Variants in TOM1L1 observed in about 807,000 individuals in gnomAD.
TOM1L1 encodes the protein target of myb1 like 1 membrane trafficking protein, also known as TOM1-like protein 1.
TOM1L1 carries 64 observed loss-of-function variants against 63.4 expected under a neutral mutation model. The observed-to-expected ratio is 1.01, with a 90% CI of 0.83 to 1.24. The LOEUF (loss-of-function observed/expected upper bound fraction) is 1.24. TOM1L1 is among the 50% of genes most tolerant of loss of function. The pLI is 0.00. For missense variants in TOM1L1, 536 were observed against 567.0 expected (o/e 0.95, Z 0.55); for synonymous variants, 166 against 194.4 (o/e 0.85, Z 1.22).
chr17:54,927,830 C>T (rs147023611), intron 7 of TOM1L1, among the ~76,000 whole-genome samples: 116 of 152,268 alleles, frequency 7.6e-4, no homozygotes, highest in African/African-American at 2.6e-3. Flanking sequence ...CTTTTGAAGA[C>T]GTTTTTCACA....
intron 3 of TOM1L1, among the ~76,000 whole-genome samples, chr17:54,908,170 G>C (rs569907672): frequency 5.9e-5 from 9 of 152,332 alleles, no homozygotes; most frequent in African/African-American, 2.2e-4. Context: ...AAACAGGCAA[G>C]AGTCACAAGT....
At chr17:54,949,757 T>C in intron 13 of TOM1L1, 134 bp downstream of exon 13, 2 of 775,666 alleles carry the variant, frequency 2.6e-6, no homozygotes, top group Admixed American at 4.8e-5. Context: ...ATGAAACAAA[T>C]TCAGGGCAGA....
At chr17:54,914,834 G>T in intron 6 of TOM1L1, 91 bp downstream of exon 6, 1 of 990,054 alleles carries the variant, frequency 1.0e-6, no homozygotes, top group Non-Finnish European at 1.6e-6. Flanking sequence ...TAACAACATT[G>T]AGATGTAGGT....
At chr17:54,925,443 G>A (rs2048752105) in intron 7 of TOM1L1, among the ~76,000 whole-genome samples, 1 of 152,202 alleles carries the variant, frequency 6.6e-6, no homozygotes, top group Non-Finnish European at 1.5e-5. Context: ...ATCCCTACAA[G>A]CCAGGCCCCA....
rs1598098871 is a variant in TOM1L1 at position 54,960,629 on chromosome 17, TAA to T, written c.*1+4_*1+5del. ...GAGCTCAAAATGATGGTGACTGAGG[TAA>T]AGACTTCAACTTATACAACTTAATT... On this transcript the variant is annotated splice_donor_region_variant and intron_variant, in intron 15 of 15. Coordinates refer to ENST00000575882, the MANE Select transcript of TOM1L1 (RefSeq NM_005486.3). 1 of 1,602,958 alleles carries T rather than the reference TAA, an allele frequency of 6.2e-7. No individual in the cohort carries two copies. Among genetic ancestry groups the T allele is most frequent in the South Asian group, 1.1e-5 (1 of 90,806 alleles).
chr17:54,905,285 G>T (rs543517656), intron 2 of TOM1L1, among the ~76,000 whole-genome samples: 1 of 152,300 alleles, frequency 6.6e-6, no homozygotes, highest in Admixed American at 6.5e-5. Context: ...CTCATAAGGG[G>T]TTAGGTGGTA....
chr17:54,920,672 A>G (rs140065832), intron 7 of TOM1L1, among the ~76,000 whole-genome samples: 1 of 152,306 alleles, frequency 6.6e-6, no homozygotes, highest in Non-Finnish European at 1.5e-5. Context: ...ATGGTAAGGA[A>G]AACAACTGTC....
chr17:54,928,288 G>T (rs925014775), intron 7 of TOM1L1, among the ~76,000 whole-genome samples: 2 of 151,668 alleles, frequency 1.3e-5, no homozygotes, highest in Non-Finnish European at 2.9e-5. Context: ...ACACTGTGGG[G>T]TTTCAATGGC....
At chr17:54,908,202 A>C (rs2048442375) in intron 3 of TOM1L1, among the ~76,000 whole-genome samples, 1 of 152,180 alleles carries the variant, frequency 6.6e-6, no homozygotes, top group African/African-American at 2.4e-5. Context: ...ATACACCTTC[A>C]TCCTTGGGGT....
At chr17:54,902,262 T>G (rs1181191544) in intron 1 of TOM1L1, among the ~76,000 whole-genome samples, 1 of 152,138 alleles carries the variant, frequency 6.6e-6, no homozygotes. Context: ...GTCCATTCGG[T>G]GCCAGATTCA....
intron 12 of TOM1L1, among the ~76,000 whole-genome samples, chr17:54,948,791 A>G (rs1004311023): frequency 2.6e-5 from 4 of 152,318 alleles, no homozygotes; most frequent in Middle Eastern, 6.8e-3. Flanking sequence ...ATGAGAAGAG[A>G]TATTTCTAAT....
chr17:54,903,788 GATGGGTGAGTACAGC>G lies in TOM1L1; in HGVS notation c.143+1_143+15del, dbSNP rs774845414. 1.2e-6 allele frequency: 2 copies of G among 1,613,288 alleles called. No individual in the cohort carries two copies. The highest frequency in any genetic ancestry group is 1.3e-5 in the African/African-American group (1 of 75,038). ...CTGTGACATAATTAACACTACCCAG[GATGGGTGAGTACAGC>G]ATGGTTTCCATGTATTTGCCTCTGA... On this transcript the variant is annotated splice_donor_variant and splice_donor_5th_base_variant and coding_sequence_variant and intron_variant, in exon 2 of 16. Transcript: ENST00000575882. LOFTEE classifies it high-confidence loss of function.
At chr17:54,906,750 C>T in intron 3 of TOM1L1, 2 of 985,422 alleles carry the variant, frequency 2.0e-6, no homozygotes, top group Middle Eastern at 5.2e-4. Flanking sequence ...CCCATTTTCC[C>T]ACCATCCTTG....
intron 9 of TOM1L1, 68 bp from the exon 10 acceptor site, chr17:54,937,041 G>A (rs2048958940): frequency 7.6e-7 from 1 of 1,322,054 alleles, no homozygotes; most frequent in South Asian, 1.2e-5. Flanking sequence ...CTCTACAAAG[G>A]AGAAAGTATG....
intron 11 of TOM1L1, chr17:54,942,632 TTC>T (rs954075808): frequency 1.3e-5 from 2 of 152,228 alleles, no homozygotes; most frequent in Non-Finnish European, 2.9e-5. Context: ...TTTCAGTAAC[TTC>T]TCTCTTTTTG....
At chr17:54,928,235 C>T (rs1400566272) in intron 7 of TOM1L1, among the ~76,000 whole-genome samples, 1 of 152,050 alleles carries the variant, frequency 6.6e-6, no homozygotes, top group Non-Finnish European at 1.5e-5. Flanking sequence ...CTGTCAAGCA[C>T]CCATAATTCG....
chr17:54,935,306 C>T (rs796080716), intron 8 of TOM1L1, among the ~76,000 whole-genome samples: 10 of 152,046 alleles, frequency 6.6e-5, no homozygotes, highest in African/African-American at 2.2e-4. Flanking sequence ...GCTTCTGAGC[C>T]AGGAGAAGGA....
chr17:54,917,830 A>G (rs1338415204), intron 7 of TOM1L1, among the ~76,000 whole-genome samples: 1 of 152,198 alleles, frequency 6.6e-6, no homozygotes, highest in Non-Finnish European at 1.5e-5. Context: ...ACATGGGATG[A>G]TGCTGTTTGG....
chr17:54,959,336 G>C, intron 14 of TOM1L1: 1 of 152,170 alleles, frequency 6.6e-6, no homozygotes, highest in East Asian at 1.9e-4. Flanking sequence ...GAATGGGCCT[G>C]GCATGGTGGC....
Sources: gnomAD v4.1 joint callset for allele counts (sites outside exome capture counted in the v4.1 genomes callset) on GRCh38, gnomAD v4.1.1 for gene constraint, MANE v1.5 for transcripts, NCBI Gene and HGNC (gene_info 2026-07-23, HGNC 2026-07-21) for gene names.